Variants in ADPRHL1 observed in about 807,000 individuals in gnomAD.
ADPRHL1 encodes inactive ADP-ribosyltransferase ARH2.
A neutral mutation model predicts 44.1 loss-of-function variants in ADPRHL1; 43 were observed. The observed-to-expected ratio is 0.98, with a 90% CI of 0.76 to 1.26. ADPRHL1 has a LOEUF of 1.26. Among genes scored for constraint, ADPRHL1 ranks in the 50% most tolerant of loss-of-function variants. ADPRHL1 has a pLI of 0.00. For synonymous variants in ADPRHL1, 878 were observed against 1,017.4 expected, an observed-to-expected ratio of 0.86 and a Z score of 2.61; for missense variants, 2,022 against 2,496.9, an observed-to-expected ratio of 0.81 and a Z score of 4.05.
intron 7 of ADPRHL1, 105 bp downstream of exon 7, chr13:113,422,721 A>G: frequency 6.9e-7 from 1 of 1,451,040 alleles, no homozygotes; most frequent in East Asian, 2.3e-5. Flanking sequence ...CACAGACCGC[A>G]GTGGAGCCTC....
intron 7 of ADPRHL1, among the ~76,000 whole-genome samples, chr13:113,415,051 T>A (rs1042339859): frequency 2.0e-5 from 3 of 152,066 alleles, no homozygotes; most frequent in Admixed American, 6.5e-5. Flanking sequence ...GGGCGACACC[T>A]CCCTAGGTAG....
At chr13:113,449,805 G>A (rs1366562021) in intron 1 of ADPRHL1, among the ~76,000 whole-genome samples, 1 of 152,220 alleles carries the variant, frequency 6.6e-6, no homozygotes, top group Non-Finnish European at 1.5e-5. Context: ...CCTGCACACT[G>A]CAATTGTTAG....
intron 1 of ADPRHL1, among the ~76,000 whole-genome samples, chr13:113,452,514 G>A (rs924618663): frequency 3.3e-5 from 5 of 152,156 alleles, no homozygotes; most frequent in African/African-American, 4.8e-5. Context: ...CAAATGCCTC[G>A]TAGGAAAGCT....
Position 113,403,261 on chromosome 13 carries a change from A to G in ADPRHL1, c.*117T>C, listed in dbSNP as rs1165432047. 6 of 900,252 alleles carry G rather than the reference A, an allele frequency of 6.7e-6. No homozygotes were observed. The highest frequency in any genetic ancestry group is 8.7e-6 in the Non-Finnish European group (6 of 686,116). 55.8% of individuals were successfully genotyped at this position (900,252 alleles called of 1,614,324 possible). ...GTGAAGAAGGGAAAGAAAATTATGG[A>G]AACAGGCGTCTCTGTAGGGGATGCT... On this transcript the variant is annotated 3_prime_UTR_variant, in exon 8 of 8. Transcript: ENST00000612156.
chr13:113,421,465 T>C (rs1400352145), intron 7 of ADPRHL1, among the ~76,000 whole-genome samples: 5 of 136,722 alleles, frequency 3.7e-5, no homozygotes, highest in Admixed American at 7.2e-5. Context: ...CCCCGGGACA[T>C]GCCTACCCCC....
At chr13:113,448,335 AAT>A (rs2044156037) in intron 1 of ADPRHL1, among the ~76,000 whole-genome samples, 1 of 151,840 alleles carries the variant, frequency 6.6e-6, no homozygotes, top group Non-Finnish European at 1.5e-5. Context: ...CTCTACTAAA[AAT>A]ACAAAGTTAG....
Position 113,403,696 on chromosome 13 carries a change from T to A in ADPRHL1, c.5586A>T (p.Pro1862=). 1 of 1,231,600 alleles carries A rather than the reference T, an allele frequency of 8.1e-7. No individual in the cohort carries two copies. Among genetic ancestry groups the A allele is most frequent in the Non-Finnish European group, 1.0e-6 (1 of 988,102 alleles). The allele number at this position is 1,231,600 out of a possible 1,614,324, so 76.3% of individuals were successfully genotyped here. ...CCCTGAGGGGGCGGCTTCCTGGGGG[T>A]GGGTACCCGGCGCTGGGCTCCCCCA... ...SGLGEPSAGY[P]PPGSRPLRGK... The change falls in exon 8 of 8, where the codon CCA becomes CCT. Residue 1862 remains proline, a synonymous_variant. Transcript: ENST00000612156.
chr13:113,444,036 T>C (rs1016066595), intron 2 of ADPRHL1, among the ~76,000 whole-genome samples: 2 of 152,134 alleles, frequency 1.3e-5, no homozygotes, highest in African/African-American at 2.4e-5. Flanking sequence ...ATTTATAATA[T>C]ATAGAGCTGA....
chr13:113,432,794 T>C (rs2044016202), intron 3 of ADPRHL1, among the ~76,000 whole-genome samples: 1 of 152,222 alleles, frequency 6.6e-6, no homozygotes, highest in Non-Finnish European at 1.5e-5. Flanking sequence ...AAAGGTAATC[T>C]TGAACGAGGC....
chr13:113,417,439 C>T (rs1217126592), intron 7 of ADPRHL1, among the ~76,000 whole-genome samples: 1 of 152,230 alleles, frequency 6.6e-6, no homozygotes, highest in African/African-American at 2.4e-5. Flanking sequence ...TCAGACAGAA[C>T]GTTCGCGATG....
rs2043796617 is a variant in ADPRHL1 at position 113,405,051 on chromosome 13, C to T, written c.4231G>A (p.Ala1411Thr). The T allele has an allele frequency of 5.7e-6, 7 of 1,232,502 alleles. No homozygotes were observed. Among genetic ancestry groups the T allele is most frequent in the Non-Finnish European group, 4.0e-6 (4 of 988,594 alleles). The allele number at this position is 1,232,502 out of a possible 1,614,324, so 76.3% of individuals were successfully genotyped here. A position where few individuals can be genotyped will look rare whatever the true frequency, so the allele number is the denominator to read the frequency against. The change falls in exon 8 of 8, where the codon GCA becomes ACA. Residue 1411 changes from alanine to threonine, a missense_variant. Transcript: ENST00000612156. ...PSGSKVVLNP[A>T]KEPQTWWAQD... ...GCCCACCATGTCTGAGGCTCTTTTG[C>T]TGGGTTCAGCACAACCTTCGAGCCC...
chr13:113,418,754 A>G (rs2043898876), intron 7 of ADPRHL1, among the ~76,000 whole-genome samples: 1 of 152,090 alleles, frequency 6.6e-6, no homozygotes, highest in Non-Finnish European at 1.5e-5. Context: ...CAATAGCTTC[A>G]GGCTGAGAAT....
At chr13:113,410,237 C>T (rs1188228740) in intron 7 of ADPRHL1, 5 of 654,612 alleles carry the variant, frequency 7.6e-6, no homozygotes, top group East Asian at 1.3e-4. Context: ...AGTGAGTTCA[C>T]GTGGAGAGAG....
chr13:113,441,191 G>T lies in ADPRHL1; in HGVS notation c.379+3234C>A, dbSNP rs2044095799. On this transcript the variant is annotated intron_variant, in intron 2 of 7. Coordinates refer to ENST00000612156, the MANE Select transcript of ADPRHL1 (RefSeq NM_001394807.1). This position sits in a 1 kb window ranked among gnomAD's most constrained non-coding sequence, Gnocchi z 6.0. ...TGTTTCTTATAAGCAGCACATAGTT[G>T]GGGGCTGGGACCTGCTTCTTTATCT... is the stretch of plus-strand genomic sequence containing the variant. Among the ~76,000 whole-genome samples the T allele has an allele frequency of 6.6e-6, 1 of 152,158 alleles. No homozygotes were observed. The highest frequency in any genetic ancestry group is 6.6e-5 in the Admixed American group (1 of 15,264).
Position 113,403,795 on chromosome 13 carries a change from C to T in ADPRHL1, c.5487G>A (p.Val1829=), listed in dbSNP as rs2043782032. Residue 1829 remains valine, a synonymous_variant, in exon 8 of 8, where the codon GTG becomes GTA. Coordinates refer to ENST00000612156, the MANE Select transcript of ADPRHL1 (RefSeq NM_001394807.1). The part of the protein sequence containing the change: ...EQPISGIAEG[V]DAAGRSGGSR... ...ACCCCCCACTCCTGCCAGCAGCATC[C>T]ACTCCCTCAGCTATGCCACTAATGG... 1 of 1,234,028 alleles carries T rather than the reference C, an allele frequency of 8.1e-7. No individual in the cohort carries two copies. Among genetic ancestry groups the T allele is most frequent in the African/African-American group, 1.5e-5 (1 of 64,552 alleles). The allele number at this position is 1,234,028 out of a possible 1,614,324, so 76.4% of individuals were successfully genotyped here.
In ADPRHL1 at chr13:113,399,779, A is replaced by G. The variant is rs1222132982; in HGVS notation, c.*3599T>C. Reference sequence around the variant, plus strand: ...ATGAACAAGAACAAATTTAATAAATAGCTGTAGCCTAATACACAACCGAAA... The same window carrying G: ...ATGAACAAGAACAAATTTAATAAATGGCTGTAGCCTAATACACAACCGAAA... On this transcript the variant is annotated 3_prime_UTR_variant, in exon 8 of 8. Transcript: ENST00000612156. The G allele has an allele frequency of 6.6e-6, 1 of 152,082 alleles. No individual in the cohort carries two copies. The highest frequency in any genetic ancestry group is 2.4e-5 in the African/African-American group (1 of 41,432). 9.4% of individuals were successfully genotyped at this position (152,082 alleles called of 1,614,324 possible).
At chr13:113,438,892 T>C (rs2044079130) in intron 2 of ADPRHL1, among the ~76,000 whole-genome samples, 1 of 152,192 alleles carries the variant, frequency 6.6e-6, no homozygotes, top group South Asian at 2.1e-4. Context: ...TTTATGCATT[T>C]TGGACTCAAG....
rs184990340 is a variant in ADPRHL1, at chr13:113,425,766, C to T, written c.647-587G>A. ...CACCATCTTGGCACACTGCAACCTCCGCTTCCTGGGTTCAAGCGATTCTCC... is the reference window on the plus strand; with the variant it reads ...CACCATCTTGGCACACTGCAACCTCTGCTTCCTGGGTTCAAGCGATTCTCC... On this transcript the variant is annotated intron_variant, in intron 4 of 7. Transcript: ENST00000612156. Among the ~76,000 whole-genome samples the T allele has an allele frequency of 5.9e-4, 89 of 151,442 alleles. 1 individual carries two copies. The highest frequency in any genetic ancestry group is 2.0e-3 in the African/African-American group (82 of 41,152).
chr13:113,452,566 G>A (rs2139658217), intron 1 of ADPRHL1, among the ~76,000 whole-genome samples: 1 of 152,310 alleles, frequency 6.6e-6, no homozygotes, highest in African/African-American at 2.4e-5. Flanking sequence ...TGAAATTCAT[G>A]CAAAAGCTTG....
Sources: gnomAD v4.1 joint callset for allele counts (sites outside exome capture counted in the v4.1 genomes callset) on GRCh38, gnomAD v4.1.1 for gene constraint, Gnocchi (gnomAD v3.1) non-coding constraint, MANE v1.5 for transcripts, NCBI Gene and HGNC (gene_info 2026-07-23, HGNC 2026-07-21) for gene names.